Variants in CCDC88A observed in about 807,000 individuals in gnomAD.
The protein encoded by CCDC88A is coiled-coil and HOOK domain protein 88A, also known as girdin.
Under a neutral mutation model 234.3 loss-of-function variants are expected in CCDC88A, and 54 were observed. The ratio of observed to expected loss-of-function variants is 0.23; its 90% CI spans 0.19 to 0.29. The LOEUF (loss-of-function observed/expected upper bound fraction) is 0.29, where lower values mean the gene tolerates loss of function less well. Among genes scored for constraint, CCDC88A ranks in the 10% least tolerant of loss-of-function variants. The pLI is 1.00. For missense variants in CCDC88A, 1,832 were observed against 2,123.4 expected (o/e 0.86, Z 2.70); for synonymous variants, 753 against 737.8 (o/e 1.02, Z -0.33).
chr2:55,330,045 G>C (rs967132149), intron 16 of CCDC88A: 2 of 152,164 alleles, frequency 1.3e-5, no homozygotes, highest in African/African-American at 2.4e-5. Flanking sequence ...ACAGGCATGA[G>C]CCACCGTGCC....
At chr2:55,374,771 C>T (rs1250962619) in intron 4 of CCDC88A, 43 bp downstream of exon 4, 3 of 1,214,896 alleles carry the variant, frequency 2.5e-6, no homozygotes, top group East Asian at 2.3e-5. Context: ...TAGTATTACA[C>T]AAAGGTTAGA....
intron 3 of CCDC88A, among the ~76,000 whole-genome samples, chr2:55,387,758 G>T (rs374531609): frequency 6.9e-6 from 1 of 145,328 alleles, no homozygotes; most frequent in Non-Finnish European, 1.5e-5. Context: ...CTCCAGCCTG[G>T]GTGACAGTGA....
At chr2:55,295,228 C>T (rs1043090870) in intron 31 of CCDC88A, 1 of 1,330,528 alleles carries the variant, frequency 7.5e-7, no homozygotes, top group Non-Finnish European at 9.9e-7. Context: ...GAAAACTGTT[C>T]ATTTTCTTTC....
At chr2:55,322,761 T>C in intron 17 of CCDC88A, 69 bp from the exon 18 acceptor site, 1 of 834,742 alleles carries the variant, frequency 1.2e-6, no homozygotes, top group Admixed American at 2.9e-5. Flanking sequence ...TCTCAATTAA[T>C]TTGACTCTGG....
Position 55,295,603 on chromosome 2 carries a change from C to G in CCDC88A, c.5545G>C (p.Ala1849Pro). 6.2e-7 allele frequency: 1 copy of G among 1,614,146 alleles called. No homozygotes were observed. The highest frequency in any genetic ancestry group is 8.5e-7 in the Non-Finnish European group (1 of 1,180,014). Reference protein sequence around the residue: ...PAAADSNTTAASNVDKVQESR... With the variant: ...PAAADSNTTAPSNVDKVQESR... The stretch of plus-strand genomic sequence containing the variant: ...TGGTGTAAATGGTACTCACTAGATG[C>G]TGCAGTGGTGTTGCTGTCAGCAGCA... The change falls in exon 31 of 33, where the codon GCA (alanine) becomes CCA (proline). Residue 1849 changes from alanine (A) to proline (P), a missense_variant. Ala to Pro is a conservative substitution (Grantham distance 27). Transcript: ENST00000436346.
At chr2:55,394,248 G>T (rs1677147980) in intron 2 of CCDC88A, 1 of 152,170 alleles carries the variant, frequency 6.6e-6, no homozygotes, top group Non-Finnish European at 1.5e-5. Context: ...TCCCTACAAA[G>T]GACATGAACT....
At chr2:55,355,923 A>G in intron 7 of CCDC88A, 172 bp from the exon 8 acceptor site, 1 of 493,370 alleles carries the variant, frequency 2.0e-6, no homozygotes, top group Middle Eastern at 5.3e-4. Flanking sequence ...TCAACAGTTC[A>G]TGCATGGGCT....
intron 32 of CCDC88A, 153 bp from the exon 33 acceptor site, chr2:55,291,317 G>C (rs2104535453): frequency 6.4e-6 from 1 of 155,562 alleles, no homozygotes; most frequent in East Asian, 1.9e-4. Flanking sequence ...GATAATTTTT[G>C]AGTGGCTCAT....
At chr2:55,343,905 A>T (rs1012834219) in intron 11 of CCDC88A, 113 bp from the exon 12 acceptor site, 14 of 905,806 alleles carry the variant, frequency 1.5e-5, no homozygotes, top group Non-Finnish European at 2.2e-5. Context: ...AATAATTATG[A>T]GTTCTTTAAA....
chr2:55,348,065 G>C (rs1026730196), intron 9 of CCDC88A, among the ~76,000 whole-genome samples: 7 of 151,906 alleles, frequency 4.6e-5, no homozygotes, highest in African/African-American at 1.7e-4. Context: ...AGGCTCAAGT[G>C]ATCTTCCCAC....
chr2:55,308,645 A>G, intron 25 of CCDC88A, 164 bp downstream of exon 25: 1 of 596,792 alleles, frequency 1.7e-6, no homozygotes, highest in Non-Finnish European at 2.9e-6. Flanking sequence ...ACCTCAGAAA[A>G]TTGTGTGGCT....
chr2:55,415,857 A>G (rs1458290215), intron 2 of CCDC88A, among the ~76,000 whole-genome samples: 1 of 152,182 alleles, frequency 6.6e-6, no homozygotes, highest in Non-Finnish European at 1.5e-5. Flanking sequence ...AAATCTTAAA[A>G]GCATGTCCCC....
At chr2:55,385,852 C>CAAAAAAA (rs56233901) in intron 3 of CCDC88A, among the ~76,000 whole-genome samples, 13 of 62,470 alleles carry the variant, frequency 2.1e-4, no homozygotes, top group African/African-American at 4.6e-4. Context: ...AACTCCATGT[C>CAAAAAAA]AAAAAAAAAA....
At chr2:55,364,815 T>A (rs1006699755) in intron 5 of CCDC88A, among the ~76,000 whole-genome samples, 4 of 152,138 alleles carry the variant, frequency 2.6e-5, no homozygotes, top group African/African-American at 9.6e-5. Context: ...CACCTTCACC[T>A]ACATCTCTAA....
intron 7 of CCDC88A, among the ~76,000 whole-genome samples, chr2:55,360,208 G>A (rs1466791207): frequency 6.6e-6 from 1 of 152,062 alleles, no homozygotes; most frequent in Non-Finnish European, 1.5e-5. Flanking sequence ...ATAGCATTAA[G>A]AATACGAAAG....
intron 2 of CCDC88A, among the ~76,000 whole-genome samples, chr2:55,399,970 A>G (rs1206505728): frequency 6.6e-6 from 1 of 152,224 alleles, no homozygotes; most frequent in Admixed American, 6.5e-5. Flanking sequence ...TACTTTTAAT[A>G]TAATAAAAAT....
intron 23 of CCDC88A, among the ~76,000 whole-genome samples, chr2:55,311,294 G>T (rs188344465): frequency 6.7e-4 from 102 of 152,276 alleles, no homozygotes; most frequent in African/African-American, 2.2e-3. Flanking sequence ...TTTCTTTGAG[G>T]TTTTACATTT....
At chr2:55,386,650 T>G (rs1047906037) in intron 3 of CCDC88A, among the ~76,000 whole-genome samples, 8 of 151,670 alleles carry the variant, frequency 5.3e-5, no homozygotes, top group African/African-American at 1.9e-4. Context: ...TTTTGTATTT[T>G]TAGTAGAGAC....
At chr2:55,295,351 G>T (rs964778920) in intron 31 of CCDC88A, 1 of 1,522,172 alleles carries the variant, frequency 6.6e-7, no homozygotes, top group African/African-American at 1.4e-5. Flanking sequence ...AAGAATGGCT[G>T]AGATGAATGG....
Sources: gnomAD v4.1 joint callset for allele counts (sites outside exome capture counted in the v4.1 genomes callset) on GRCh38, gnomAD v4.1.1 for gene constraint, MANE v1.5 for transcripts, NCBI Gene and HGNC (gene_info 2026-07-23, HGNC 2026-07-21) for gene names.